CBFB: variants seen among roughly 807,000 people sequenced by gnomAD.
CBFB encodes the protein core-binding factor subunit beta, also known as CBF-beta.
In CBFB, 9 loss-of-function variants were observed where a neutral mutation model predicts 30.4. The ratio of observed to expected loss-of-function variants is 0.30; its 90% CI spans 0.18 to 0.52. CBFB has a LOEUF of 0.52. Ranked by LOEUF, CBFB falls within the 20% of genes least tolerant of loss-of-function variation. The pLI, the probability that CBFB is intolerant of heterozygous loss-of-function variation, is 0.97. For synonymous variants in CBFB, 94 were observed against 84.0 expected (o/e 1.12, Z -0.65); for missense variants, 170 against 244.0 (o/e 0.70, Z 2.02).
At chr16:67,033,752 C>T (rs1231530584) in intron 2 of CBFB, among the ~76,000 whole-genome samples, 1 of 151,164 alleles carries the variant, frequency 6.6e-6, no homozygotes, top group African/African-American at 2.4e-5. Context: ...ACTGGGACTA[C>T]AGTCGCCTGC....
At chr16:67,038,663 T>G (rs944320338) in intron 3 of CBFB, among the ~76,000 whole-genome samples, 2 of 152,136 alleles carry the variant, frequency 1.3e-5, no homozygotes, top group Non-Finnish European at 2.9e-5. Flanking sequence ...TTGGTTTTTT[T>G]GTGCTTCTGG....
intron 3 of CBFB, among the ~76,000 whole-genome samples, chr16:67,057,610 A>G (rs1960768286): frequency 6.6e-6 from 1 of 152,136 alleles, no homozygotes; most frequent in South Asian, 2.1e-4. Flanking sequence ...TTTTCAATTT[A>G]TTTTAATATT....
chr16:67,098,979 A>T lies in CBFB; in HGVS notation c.*201A>T, dbSNP rs2145791369. The T allele has an allele frequency of 2.3e-6, 1 of 436,954 alleles. No homozygotes were observed. Among genetic ancestry groups the T allele is most frequent in the Non-Finnish European group, 4.0e-6 (1 of 247,490 alleles). 27.1% of individuals were successfully genotyped at this position (436,954 alleles called of 1,614,324 possible). ...TACCTGCATTTCTAATTTTTTAAGCATGTAGCCAGTAATAATTTGAAGTTT... is the reference window on the plus strand; with the variant it reads ...TACCTGCATTTCTAATTTTTTAAGCTTGTAGCCAGTAATAATTTGAAGTTT... On this transcript the variant is annotated 3_prime_UTR_variant, in exon 6 of 6. Coordinates refer to ENST00000412916, the MANE Select transcript of CBFB (RefSeq NM_022845.3).
At chr16:67,066,445 A>G (rs995642840) in intron 3 of CBFB, among the ~76,000 whole-genome samples, 2 of 149,788 alleles carry the variant, frequency 1.3e-5, no homozygotes, top group Non-Finnish European at 3.0e-5. Flanking sequence ...CTGTAATCCC[A>G]GCTACTGGGG....
chr16:67,033,816 G>GTTTT (rs1966397322), intron 2 of CBFB, among the ~76,000 whole-genome samples: 1 of 111,146 alleles, frequency 9.0e-6, no homozygotes, highest in African/African-American at 4.3e-5. Flanking sequence ...GAGTTTCACC[G>GTTTT]TTGTTTTTTT....
At chr16:67,076,840 T>C (rs1367502418) in intron 4 of CBFB, among the ~76,000 whole-genome samples, 2 of 152,192 alleles carry the variant, frequency 1.3e-5, no homozygotes, top group African/African-American at 4.8e-5. Flanking sequence ...AGGAACTAGG[T>C]TGGTTTTAGC....
intron 2 of CBFB, among the ~76,000 whole-genome samples, chr16:67,032,274 A>G (rs1966364791): frequency 1.3e-5 from 2 of 152,184 alleles, no homozygotes; most frequent in South Asian, 4.1e-4. Context: ...GCAGTTAGCC[A>G]TGATCGTACC....
intron 4 of CBFB, among the ~76,000 whole-genome samples, chr16:67,069,812 T>C (rs1231643438): frequency 3.3e-5 from 5 of 152,156 alleles, no homozygotes; most frequent in Non-Finnish European, 7.4e-5. Context: ...GGATGACATA[T>C]TAAAAGCACC....
chr16:67,045,516 GA>G (rs558443024), intron 3 of CBFB, among the ~76,000 whole-genome samples: 47 of 144,720 alleles, frequency 3.2e-4, no homozygotes, highest in Middle Eastern at 3.5e-3. Context: ...GACTCTGTCT[GA>G]AAAAAAAAAA....
intron 5 of CBFB, among the ~76,000 whole-genome samples, chr16:67,089,881 T>TG (rs1288678866): frequency 6.6e-6 from 1 of 152,210 alleles, no homozygotes; most frequent in Non-Finnish European, 1.5e-5. Flanking sequence ...AGGCTTAGAA[T>TG]GGGGACTCAG....
At chr16:67,095,629 A>G (rs191334898) in intron 5 of CBFB, among the ~76,000 whole-genome samples, 158 of 149,396 alleles carry the variant, frequency 1.1e-3, no homozygotes, top group African/African-American at 3.6e-3. Flanking sequence ...GTAGGGTGCT[A>G]TGTTTGTGCC....
chr16:67,051,802 G>A (rs866727190), intron 3 of CBFB, among the ~76,000 whole-genome samples: 14 of 149,304 alleles, frequency 9.4e-5, no homozygotes, highest in South Asian at 2.1e-4. Flanking sequence ...AGGCTGGAGC[G>A]CAGTGGCGTG....
chr16:67,092,377 A>G (rs1961911730), intron 5 of CBFB, among the ~76,000 whole-genome samples: 1 of 152,160 alleles, frequency 6.6e-6, no homozygotes, highest in Non-Finnish European at 1.5e-5. Context: ...ACTTAGCAAT[A>G]GGGAGAACTA....
At chr16:67,093,988 T>G (rs1286899116) in intron 5 of CBFB, among the ~76,000 whole-genome samples, 1 of 152,222 alleles carries the variant, frequency 6.6e-6, no homozygotes, top group Non-Finnish European at 1.5e-5. Flanking sequence ...TTACTGAACC[T>G]AAATCTGTTT....
intron 3 of CBFB, among the ~76,000 whole-genome samples, chr16:67,057,958 CA>C (rs1960778615): frequency 6.6e-6 from 1 of 152,154 alleles, no homozygotes; most frequent in Non-Finnish European, 1.5e-5. Flanking sequence ...TCTAATTTCT[CA>C]TGGATGGCCT....
rs1020641280 is a variant in CBFB, at chr16:67,066,789, G to A, written c.390G>A (p.Glu130=). The A allele has an allele frequency of 1.9e-5, 30 of 1,590,616 alleles. No homozygotes were observed. The highest frequency in any genetic ancestry group is 2.5e-5 in the Non-Finnish European group (29 of 1,161,012). The change falls in exon 4 of 6, where the codon GAG becomes GAA. Residue 130 remains glutamate, a synonymous_variant. Coordinates refer to ENST00000412916, the MANE Select transcript of CBFB (RefSeq NM_022845.3). ...TGGGCTGTCTGGAGTTTGATGAGGA[G>A]CGAGCCCAGGTAGGGTAACATCAGG... The part of the protein sequence containing the change: ...DGMGCLEFDE[E]RAQQEDALAQ...
Position 67,099,589 on chromosome 16 carries a change from A to C in CBFB, c.*811A>C, listed in dbSNP as rs1335370092. The C allele has an allele frequency of 5.0e-6, 1 of 201,232 alleles. No individual in the cohort carries two copies. Among genetic ancestry groups the C allele is most frequent in the Non-Finnish European group, 1.0e-5 (1 of 97,688 alleles). 12.5% of individuals were successfully genotyped at this position (201,232 alleles called of 1,614,324 possible). On this transcript the variant is annotated 3_prime_UTR_variant, in exon 6 of 6. Coordinates refer to ENST00000412916, the MANE Select transcript of CBFB (RefSeq NM_022845.3). The stretch of plus-strand genomic sequence containing the variant: ...TGGTATTAACTCTGTACTCTGCCCT[A>C]GATTGTTTTAGCTTCTGTTCTGTAA...
At chr16:67,076,887 G>A (rs1395344894) in intron 4 of CBFB, among the ~76,000 whole-genome samples, 1 of 151,794 alleles carries the variant, frequency 6.6e-6, no homozygotes, top group East Asian at 1.9e-4. Flanking sequence ...AAAATCCAGT[G>A]TGTACTGTCA....
chr16:67,074,205 C>A (rs1215728803), intron 4 of CBFB, among the ~76,000 whole-genome samples: 1 of 113,594 alleles, frequency 8.8e-6, no homozygotes, highest in African/African-American at 3.6e-5. Flanking sequence ...CAGCAATAAA[C>A]AAAGACAAAG....
Sources: allele counts gnomAD v4.1 joint callset (sites outside exome capture counted in the v4.1 genomes callset), GRCh38; gene constraint gnomAD v4.1.1; transcripts MANE v1.5; gene names NCBI Gene and HGNC (gene_info 2026-07-23, HGNC 2026-07-21).